The following ANKRD44 variants were observed in gnomAD, a reference collection of about 807,000 sequenced individuals.
ANKRD44 encodes the protein serine/threonine-protein phosphatase 6 regulatory ankyrin repeat subunit B.
A neutral mutation model predicts 116.0 loss-of-function variants in ANKRD44; 35 were observed. That is an observed-to-expected ratio of 0.30 (90% CI 0.23 to 0.40). The LOEUF (loss-of-function observed/expected upper bound fraction) is 0.40, where lower values mean the gene tolerates loss of function less well. Ranked by LOEUF, ANKRD44 falls within the 10% of genes least tolerant of loss-of-function variation. The pLI is 1.00. For missense variants in ANKRD44, 1,014 were observed against 1,242.6 expected (o/e 0.82, Z 2.77); for synonymous variants, 435 against 461.8 (o/e 0.94, Z 0.74).
chr2:197,192,139 TA>T (rs1215447012), intron 1 of ANKRD44, among the ~76,000 whole-genome samples: 54 of 152,190 alleles, frequency 3.5e-4, no homozygotes, highest in Admixed American at 3.4e-3. Context: ...TGATTTTTGC[TA>T]AAACCACTGT....
At position 197,041,739 on chromosome 2, in the gene ANKRD44, A is replaced by G. The variant is rs565037365; in HGVS notation, c.1651-16472T>C. 2.3e-4 allele frequency among the ~76,000 whole-genome samples: 35 copies of G among 152,312 alleles called. 1 individual carries two copies. The South Asian group carries it at 7.1e-3, about 31-fold the overall frequency. On this transcript the variant is annotated intron_variant, in intron 16 of 27. Coordinates refer to ENST00000282272, the MANE Select transcript of ANKRD44 (RefSeq NM_001195144.2). ...AGGATACCTATAGATCTCAGATCTC[A>G]GATCACCTGCAGCCCAACAGGCAGA...
At chr2:197,086,843 G>T in intron 12 of ANKRD44, 95 bp from the exon 13 acceptor site, 1 of 1,090,468 alleles carries the variant, frequency 9.2e-7, no homozygotes. Flanking sequence ...AGGACCAGAT[G>T]AAAAGATAGC....
At chr2:197,013,765 G>A (rs934920807) in intron 17 of ANKRD44, 53 bp from the exon 18 acceptor site, 172 of 1,595,502 alleles carry the variant, frequency 1.1e-4, no homozygotes, top group Admixed American at 3.3e-4. Context: ...CTCAAATCCC[G>A]CCACAGTCCA....
rs150303870 is a variant in ANKRD44 at position 197,005,796 on chromosome 2, C to T, written c.2245G>A (p.Ala749Thr). The change falls in exon 21 of 28, where the codon GCC (alanine) becomes ACC (threonine). Residue 749 changes from alanine to threonine, a missense_variant. Transcript: ENST00000282272. ...TGGAGCAGCTCGCTCAGCCACGTGG[C>T]GTGGCCACGAGCAGCTGCATAGTGC... is the stretch of plus-strand genomic sequence containing the variant. ...PLHYAAARGH[A>T]TWLSELLQMA... 6.4e-5 allele frequency: 104 copies of T among 1,614,144 alleles called. No individual in the cohort carries two copies. Among genetic ancestry groups the T allele is most frequent in the East Asian group, 1.6e-4 (7 of 44,902 alleles).
At chr2:197,088,236 G>A (rs541083456) in intron 12 of ANKRD44, among the ~76,000 whole-genome samples, 1 of 152,106 alleles carries the variant, frequency 6.6e-6, no homozygotes, top group African/African-American at 2.4e-5. Flanking sequence ...TGTCTTTTGG[G>A]TTTTCTTGAC....
intron 1 of ANKRD44, among the ~76,000 whole-genome samples, chr2:197,194,070 G>C (rs541958567): frequency 3.6e-4 from 55 of 152,130 alleles, no homozygotes; most frequent in Non-Finnish European, 7.4e-4. Context: ...AAGAGATCTT[G>C]AAAGATTTCC....
At chr2:197,281,558 G>T (rs147977812) in intron 1 of ANKRD44, among the ~76,000 whole-genome samples, 1 of 152,080 alleles carries the variant, frequency 6.6e-6, no homozygotes, top group Admixed American at 6.6e-5. Context: ...TTTTGGGCCT[G>T]GTAATTTACA....
intron 17 of ANKRD44, among the ~76,000 whole-genome samples, chr2:197,014,376 C>G (rs2076350008): frequency 6.6e-6 from 1 of 152,156 alleles, no homozygotes; most frequent in Admixed American, 6.5e-5. Context: ...CCTCTTTTCT[C>G]CTTTATTTCT....
chr2:197,287,075 C>T (rs2083427332), intron 1 of ANKRD44, among the ~76,000 whole-genome samples: 3 of 151,974 alleles, frequency 2.0e-5, no homozygotes, highest in Admixed American at 2.0e-4. Context: ...AAGAGTGAAC[C>T]CTGTCAACTA....
intron 21 of ANKRD44, among the ~76,000 whole-genome samples, chr2:196,979,554 C>CTTTTTTTTTTTTTTTTTTTTTTTTT (rs71012942): frequency 2.0e-4 from 12 of 59,634 alleles, no homozygotes; most frequent in Admixed American, 4.9e-4. Context: ...AATAAGATGA[C>CTTTTTTTTTTTTTTTTTTTTTTTTT]TTTTTTTTTT....
intron 1 of ANKRD44, among the ~76,000 whole-genome samples, chr2:197,260,232 A>C (rs1247681863): frequency 1.4e-5 from 2 of 140,194 alleles, no homozygotes; most frequent in Non-Finnish European, 3.2e-5. Context: ...TATCCTCCCC[A>C]CTCCCCCCAC....
chr2:197,072,154 T>C (rs1001226820), intron 16 of ANKRD44, among the ~76,000 whole-genome samples: 1 of 151,562 alleles, frequency 6.6e-6, no homozygotes, highest in African/African-American at 2.4e-5. Context: ...TGGGCCAGAT[T>C]AACTTATTTT....
intron 1 of ANKRD44, among the ~76,000 whole-genome samples, chr2:197,254,598 T>TACACACACACACAC (rs3057783): frequency 6.7e-6 from 1 of 148,156 alleles, no homozygotes; most frequent in African/African-American, 2.5e-5. Context: ...CATACATGCA[T>TACACACACACACAC]ACACACACAC....
intron 4 of ANKRD44, chr2:197,135,094 A>G (rs2079186431): frequency 6.6e-6 from 1 of 152,170 alleles, no homozygotes; most frequent in Non-Finnish European, 1.5e-5. Context: ...AAAACCTACT[A>G]AAATCACAAA....
intron 2 of ANKRD44, among the ~76,000 whole-genome samples, chr2:197,184,350 C>G (rs944064932): frequency 2.0e-5 from 3 of 152,134 alleles, no homozygotes; most frequent in African/African-American, 7.2e-5. Flanking sequence ...CATAAAAATC[C>G]TTCCATGGTG....
At chr2:197,160,121 G>A (rs561149065) in intron 2 of ANKRD44, among the ~76,000 whole-genome samples, 1 of 152,002 alleles carries the variant, frequency 6.6e-6, no homozygotes, top group Non-Finnish European at 1.5e-5. Context: ...AAACTCTGGA[G>A]TCAGAATGAC....
chr2:197,053,920 A>T (rs1014936082), intron 16 of ANKRD44, among the ~76,000 whole-genome samples: 1 of 152,232 alleles, frequency 6.6e-6, no homozygotes, highest in Admixed American at 6.5e-5. Context: ...GCTAATGGGT[A>T]ACATGTTAAC....
chr2:197,247,237 G>A (rs976908293), intron 1 of ANKRD44, among the ~76,000 whole-genome samples: 16 of 152,280 alleles, frequency 1.1e-4, no homozygotes, highest in African/African-American at 2.6e-4. Context: ...GAGATCGCAC[G>A]AGAACTTATT....
chr2:197,095,866 C>T (rs1480411417), intron 10 of ANKRD44, among the ~76,000 whole-genome samples: 2 of 152,198 alleles, frequency 1.3e-5, no homozygotes, highest in Non-Finnish European at 2.9e-5. Context: ...GTGCAGTTAA[C>T]ATGAATGGTG....
Sources: allele counts gnomAD v4.1 joint callset (sites outside exome capture counted in the v4.1 genomes callset), GRCh38; gene constraint gnomAD v4.1.1; transcripts MANE v1.5; gene names NCBI Gene and HGNC (gene_info 2026-07-23, HGNC 2026-07-21).